The following TENM3 variants were observed in gnomAD, a reference collection of about 807,000 sequenced individuals.
The protein encoded by TENM3 is teneurin-3.
A neutral mutation model predicts 255.1 loss-of-function variants in TENM3; 63 were observed. That is an observed-to-expected ratio of 0.25 (90% CI 0.20 to 0.30). The LOEUF is 0.30. TENM3 is among the 10% of genes least tolerant of loss of function. The pLI is 1.00. For synonymous variants in TENM3, 1,306 were observed against 1,322.3 expected (o/e 0.99, Z 0.27); for missense variants, 2,929 against 3,461.1 (o/e 0.85, Z 3.86).
the TENM3 span, among the ~76,000 whole-genome samples, chr4:181,629,852 A>T: frequency 6.6e-6 from 1 of 152,216 alleles, no homozygotes; most frequent in African/African-American, 2.4e-5. Context: ...CCGACCTCAT[A>T]AAATGAGTTA....
At chr4:182,538,207 G>T (rs1275738737) in intron 3 of TENM3, among the ~76,000 whole-genome samples, 1 of 152,150 alleles carries the variant, frequency 6.6e-6, no homozygotes, top group Non-Finnish European at 1.5e-5. Context: ...AAGAAACAAT[G>T]TTATTAACAA....
At chr4:181,538,579 A>G in the TENM3 span, among the ~76,000 whole-genome samples, 1 of 152,102 alleles carries the variant, frequency 6.6e-6, no homozygotes, top group South Asian at 2.1e-4. Flanking sequence ...CAGAACACCT[A>G]TGAGACTTTG....
intron 16 of TENM3, 97 bp from the exon 17 acceptor site, chr4:182,736,711 C>G: frequency 8.7e-7 from 1 of 1,144,028 alleles, no homozygotes; most frequent in Non-Finnish European, 1.2e-6. Flanking sequence ...CAGAGAGTCA[C>G]TATTCACAAA....
the TENM3 span, among the ~76,000 whole-genome samples, chr4:181,723,018 G>T: frequency 5.3e-5 from 8 of 151,896 alleles, no homozygotes; most frequent in Non-Finnish European, 8.8e-5. Context: ...CTACCTCCTC[G>T]CTCAGGACTT....
chr4:181,557,800 G>A, the TENM3 span, among the ~76,000 whole-genome samples: 3 of 152,024 alleles, frequency 2.0e-5, no homozygotes, highest in African/African-American at 7.3e-5. Flanking sequence ...CAAAGTGTTG[G>A]GATTACAGGC....
chr4:181,704,812 C>T, the TENM3 span, among the ~76,000 whole-genome samples: 110 of 152,062 alleles, frequency 7.2e-4, no homozygotes, highest in East Asian at 0.015. Flanking sequence ...GCGGGCAGAT[C>T]CCCTGAGGTC....
the TENM3 span, among the ~76,000 whole-genome samples, chr4:181,524,478 G>T: frequency 6.6e-6 from 1 of 152,166 alleles, no homozygotes; most frequent in Non-Finnish European, 1.5e-5. Flanking sequence ...TTAACTATGA[G>T]TAAAGAGGCT....
the TENM3 span, among the ~76,000 whole-genome samples, chr4:182,091,949 A>T: frequency 6.6e-6 from 1 of 152,206 alleles, no homozygotes; most frequent in African/African-American, 2.4e-5. Context: ...TTAAAAGAAT[A>T]AAATGGGTCA....
At chr4:181,824,274 T>A in the TENM3 span, among the ~76,000 whole-genome samples, 3 of 151,550 alleles carry the variant, frequency 2.0e-5, no homozygotes, top group Admixed American at 6.6e-5. Flanking sequence ...GCTAATTTTT[T>A]TTTTTTTTTA....
intron 3 of TENM3, among the ~76,000 whole-genome samples, chr4:182,497,726 T>C (rs1259502292): frequency 6.6e-6 from 1 of 151,986 alleles, no homozygotes; most frequent in East Asian, 1.9e-4. Flanking sequence ...TATCAGTCCA[T>C]TAGCTGTCAA....
the TENM3 span, among the ~76,000 whole-genome samples, chr4:181,860,421 G>A: frequency 2.6e-5 from 4 of 152,058 alleles, no homozygotes; most frequent in African/African-American, 7.2e-5. Context: ...ACGCTCCTTC[G>A]CCAAGTGTTA....
At chr4:181,994,157 T>C in the TENM3 span, among the ~76,000 whole-genome samples, 7 of 152,192 alleles carry the variant, frequency 4.6e-5, no homozygotes. Context: ...TGATTTAAAA[T>C]CTGAAAACAT....
At chr4:181,502,572 G>A in the TENM3 span, among the ~76,000 whole-genome samples, 1 of 152,322 alleles carries the variant, frequency 6.6e-6, no homozygotes, top group Non-Finnish European at 1.5e-5. Flanking sequence ...TGTGGGTGGA[G>A]ATGATATGTC....
At chr4:181,580,255 C>G in the TENM3 span, among the ~76,000 whole-genome samples, 1 of 152,078 alleles carries the variant, frequency 6.6e-6, no homozygotes, top group Non-Finnish European at 1.5e-5. Flanking sequence ...GCCTCGGCCT[C>G]CCAACATTCT....
the TENM3 span, among the ~76,000 whole-genome samples, chr4:181,468,148 T>C: frequency 1.5e-5 from 1 of 64,938 alleles, no homozygotes; most frequent in South Asian, 4.2e-4. Flanking sequence ...AAAAAAAAAA[T>C]TGGTGTGGTG....
At chr4:181,594,197 C>G in the TENM3 span, among the ~76,000 whole-genome samples, 1 of 152,026 alleles carries the variant, frequency 6.6e-6, no homozygotes, top group Non-Finnish European at 1.5e-5. Flanking sequence ...GATGAATAAG[C>G]ATGATGAATA....
At chr4:181,764,169 C>T in the TENM3 span, among the ~76,000 whole-genome samples, 6 of 152,008 alleles carry the variant, frequency 3.9e-5, no homozygotes, top group African/African-American at 1.2e-4. Flanking sequence ...GTCTTTTTAA[C>T]AAAAGAAAAA....
At chr4:182,091,192 T>C in the TENM3 span, among the ~76,000 whole-genome samples, 2 of 152,220 alleles carry the variant, frequency 1.3e-5, no homozygotes, top group Non-Finnish European at 1.5e-5. Context: ...AACAGGCTGA[T>C]GTGTACTTAC....
chr4:181,927,632 G>A, the TENM3 span, among the ~76,000 whole-genome samples: 6 of 152,214 alleles, frequency 3.9e-5, no homozygotes, highest in South Asian at 4.1e-4. Flanking sequence ...TGCCTGCTCC[G>A]AAGAGAGCAG....
Sources: gnomAD v4.1 joint callset for allele counts (sites outside exome capture counted in the v4.1 genomes callset) on GRCh38, gnomAD v4.1.1 for gene constraint, MANE v1.5 for transcripts, NCBI Gene and HGNC (gene_info 2026-07-23, HGNC 2026-07-21) for gene names.